CDH9: variants seen among roughly 807,000 people sequenced by gnomAD.
CDH9 encodes cadherin 9.
In CDH9, 28 loss-of-function variants were observed where a neutral mutation model predicts 70.9. The ratio of observed to expected loss-of-function variants is 0.40; its 90% CI spans 0.29 to 0.54. The LOEUF (loss-of-function observed/expected upper bound fraction) is 0.54. CDH9 is among the 20% of genes least tolerant of loss of function. The probability of loss-of-function intolerance (pLI) is 0.59; values close to 1 mark genes in which losing one functional copy is unlikely to be tolerated. For synonymous variants in CDH9, 409 were observed against 343.1 expected, an observed-to-expected ratio of 1.19 and a Z score of -2.12; for missense variants, 874 against 984.4, an observed-to-expected ratio of 0.89 and a Z score of 1.50.
At chr5:27,023,770 G>A (rs1185612648) in intron 1 of CDH9, among the ~76,000 whole-genome samples, 1 of 151,940 alleles carries the variant, frequency 6.6e-6, no homozygotes, top group Non-Finnish European at 1.5e-5. Context: ...AGCATGTAAG[G>A]GCCAGGCATG....
At chr5:26,885,523 A>G (rs1213859018) in intron 11 of CDH9, 91 bp downstream of exon 11, 3 of 1,022,466 alleles carry the variant, frequency 2.9e-6, no homozygotes, top group Non-Finnish European at 4.4e-6. Context: ...ATCTTTATCT[A>G]TAGAGAAAAT....
At position 26,982,372 on chromosome 5, in the gene CDH9, G is replaced by A. The variant is rs565165114; in HGVS notation, c.228+5734C>T. 3.3e-5 allele frequency among the ~76,000 whole-genome samples: 5 copies of A among 152,216 alleles called. No individual in the cohort carries two copies. In the South Asian group the frequency reaches 1.0e-3, roughly 32 times the overall value. ...TCCAATATAATGGAAATATAGGAAA[G>A]GAATCAGAAGAACAGCAAAGAGGAA... is the stretch of plus-strand genomic sequence containing the variant. On this transcript the variant is annotated intron_variant, in intron 2 of 11. Coordinates refer to ENST00000231021, the MANE Select transcript of CDH9 (RefSeq NM_016279.4).
In CDH9 at chr5:27,010,025, T is replaced by G. The variant is rs1450669211; in HGVS notation, c.-49-21643A>C. On this transcript the variant is annotated intron_variant, in intron 1 of 11. Transcript: ENST00000231021. ...ACTGAACCCTTGGCGGAGTCCTTAA[T>G]CTTCCTTATATAATCATTCAGAAGT... Among the ~76,000 whole-genome samples, 7 of 152,242 alleles carry G rather than the reference T, an allele frequency of 4.6e-5. No individual in the cohort carries two copies. The South Asian group carries it at 1.4e-3, about 32-fold the overall frequency.
chr5:26,980,300 C>T (rs1428892572), intron 2 of CDH9, among the ~76,000 whole-genome samples: 5 of 151,690 alleles, frequency 3.3e-5, no homozygotes, highest in Admixed American at 3.3e-4. Flanking sequence ...TTATTGAACA[C>T]TTTTTTTATG....
intron 2 of CDH9, among the ~76,000 whole-genome samples, chr5:26,931,516 G>A (rs939037310): frequency 6.6e-6 from 1 of 152,058 alleles, no homozygotes; most frequent in Non-Finnish European, 1.5e-5. Context: ...ATTAAGATAA[G>A]ATTTGACAAA....
chr5:26,923,752 C>T (rs187255947), intron 2 of CDH9, among the ~76,000 whole-genome samples: 5 of 152,172 alleles, frequency 3.3e-5, no homozygotes, highest in Admixed American at 2.0e-4. Flanking sequence ...AACTCAAACA[C>T]ATGAGGAATT....
At chr5:26,950,406 A>G (rs1364761046) in intron 2 of CDH9, among the ~76,000 whole-genome samples, 1 of 152,182 alleles carries the variant, frequency 6.6e-6, no homozygotes, top group Middle Eastern at 3.2e-3. Flanking sequence ...TTAAATTAAA[A>G]CCAGATTATG....
intron 2 of CDH9, among the ~76,000 whole-genome samples, chr5:26,921,818 A>G (rs772730240): frequency 1.3e-5 from 2 of 152,152 alleles, no homozygotes; most frequent in Non-Finnish European, 2.9e-5. Context: ...ATATTGAGGA[A>G]ACTCAAGAAA....
At position 26,974,982 on chromosome 5, in the gene CDH9, C is replaced by T. The variant is rs149485835; in HGVS notation, c.228+13124G>A. On this transcript the variant is annotated intron_variant, in intron 2 of 11. Transcript: ENST00000231021. ...TTTTGACCCTTTGACCAACAGCTCTCCATTTTCCCCACCCTTAGCCCCATA... is the reference window on the plus strand; with the variant it reads ...TTTTGACCCTTTGACCAACAGCTCTTCATTTTCCCCACCCTTAGCCCCATA... Among the ~76,000 whole-genome samples the T allele has an allele frequency of 6.4e-3, 977 of 152,188 alleles. 11 individuals are homozygous for T. Among genetic ancestry groups the T allele is most frequent in the African/African-American group, 0.022 (916 of 41,528 alleles).
intron 2 of CDH9, among the ~76,000 whole-genome samples, chr5:26,950,123 T>A (rs571744125): frequency 4.9e-4 from 75 of 152,094 alleles, no homozygotes; most frequent in Non-Finnish European, 1.0e-3. Context: ...TGCAACTGGG[T>A]TTCAGTGATA....
intron 2 of CDH9, among the ~76,000 whole-genome samples, chr5:26,926,512 C>G (rs1427758588): frequency 6.6e-6 from 1 of 152,064 alleles, no homozygotes; most frequent in Non-Finnish European, 1.5e-5. Context: ...AATGGCCATA[C>G]TGCCCAAGGT....
chr5:26,916,312 T>G (rs1359616686), intron 2 of CDH9, among the ~76,000 whole-genome samples: 1 of 151,966 alleles, frequency 6.6e-6, no homozygotes, highest in Non-Finnish European at 1.5e-5. Flanking sequence ...CTCTAAGATA[T>G]GATTTGAGAG....
At chr5:26,999,208 C>T (rs912901781) in intron 1 of CDH9, among the ~76,000 whole-genome samples, 2 of 151,834 alleles carry the variant, frequency 1.3e-5, no homozygotes, top group Non-Finnish European at 2.9e-5. Flanking sequence ...TCATGCCCTC[C>T]AGCCTGGTGA....
chr5:26,951,324 T>C (rs947574011), intron 2 of CDH9, among the ~76,000 whole-genome samples: 1 of 144,604 alleles, frequency 6.9e-6, no homozygotes, highest in Admixed American at 6.9e-5. Flanking sequence ...AAAAGGTATG[T>C]GCATATGATC....
At position 26,880,975 on chromosome 5, in the gene CDH9, A is replaced by G; in HGVS notation, c.*161T>C. ...AAATCTGTATCATTCGTATTCATTC[A>G]CAAAGACTTACTGATTAAGCAAATC... On this transcript the variant is annotated 3_prime_UTR_variant, in exon 12 of 12. Coordinates refer to ENST00000231021, the MANE Select transcript of CDH9 (RefSeq NM_016279.4). 1 of 585,736 alleles carries G rather than the reference A, an allele frequency of 1.7e-6. No individual in the cohort carries two copies. The highest frequency in any genetic ancestry group is 2.9e-6 in the Non-Finnish European group (1 of 341,286). 36.3% of individuals were successfully genotyped at this position (585,736 alleles called of 1,614,324 possible).
chr5:26,910,423 T>G (rs916840670), intron 3 of CDH9, among the ~76,000 whole-genome samples: 1 of 152,296 alleles, frequency 6.6e-6, no homozygotes, highest in South Asian at 2.1e-4. Flanking sequence ...ACAGCAACTT[T>G]GTGGCATGGT....
chr5:26,969,266 T>G (rs762705815), intron 2 of CDH9, among the ~76,000 whole-genome samples: 3 of 152,198 alleles, frequency 2.0e-5, no homozygotes, highest in Non-Finnish European at 4.4e-5. Flanking sequence ...AGTTGGAGAA[T>G]TGTCCAAAGT....
intron 3 of CDH9, among the ~76,000 whole-genome samples, chr5:26,915,333 G>A (rs1741129988): frequency 1.3e-5 from 2 of 151,858 alleles, no homozygotes; most frequent in Non-Finnish European, 2.9e-5. Context: ...TTTGATTTCT[G>A]GCAAAAATAC....
intron 8 of CDH9, 111 bp from the exon 9 acceptor site, chr5:26,890,068 A>C: frequency 1.1e-6 from 1 of 939,570 alleles, no homozygotes; most frequent in South Asian, 1.5e-5. Context: ...CACTTTCTCA[A>C]TTGGGCTGCT....
Sources: allele counts gnomAD v4.1 joint callset (sites outside exome capture counted in the v4.1 genomes callset), GRCh38; gene constraint gnomAD v4.1.1; transcripts MANE v1.5; gene names NCBI Gene and HGNC (gene_info 2026-07-23, HGNC 2026-07-21).